Variants in PRKAR1B observed in about 807,000 individuals in gnomAD.
PRKAR1B encodes the protein protein kinase cAMP-dependent type I regulatory subunit beta, also known as cAMP-dependent protein kinase type I-beta regulatory subunit.
A neutral mutation model predicts 46.5 loss-of-function variants in PRKAR1B; 22 were observed. The observed-to-expected ratio is 0.47, with a 90% CI of 0.34 to 0.68. The LOEUF is 0.68. Ranked by LOEUF, PRKAR1B falls within the 30% of genes least tolerant of loss-of-function variation. The pLI is 0.01. For missense variants in PRKAR1B, 445 were observed against 535.6 expected (o/e 0.83, Z 1.67); for synonymous variants, 259 against 217.7 (o/e 1.19, Z -1.67).
In PRKAR1B at chr7:578,950, G is replaced by A. The variant is rs182322249; in HGVS notation, c.891+306C>T. ...ACCCGCCTCAGCCTCCCACAGTGCT[G>A]GGATGACAGGCGTGAGCCGCCGCGC... On this transcript the variant is annotated intron_variant, in intron 9 of 10. Coordinates refer to ENST00000537384, the MANE Select transcript of PRKAR1B (RefSeq NM_001164760.2). 2.1e-4 allele frequency: 226 copies of A among 1,092,140 alleles called. No individual in the cohort carries two copies. In the Admixed American group the frequency reaches 3.0e-3, roughly 15 times the overall value. 67.7% of individuals were successfully genotyped at this position (1,092,140 alleles called of 1,614,324 possible).
chr7:587,849 G>A (rs543148201), intron 7 of PRKAR1B, among the ~76,000 whole-genome samples: 1 of 152,370 alleles, frequency 6.6e-6, no homozygotes, highest in South Asian at 2.1e-4. Flanking sequence ...AGGGGGAAGG[G>A]CTGGAGGAAA....
intron 4 of PRKAR1B, among the ~76,000 whole-genome samples, chr7:643,615 G>A (rs1318624354): frequency 1.3e-5 from 2 of 151,294 alleles, no homozygotes; most frequent in Admixed American, 6.6e-5. Context: ...CCAGCTACTC[G>A]GGAGGCTGAG....
intron 2 of PRKAR1B, among the ~76,000 whole-genome samples, chr7:703,252 T>C (rs1232630406): frequency 1.3e-5 from 2 of 152,032 alleles, no homozygotes; most frequent in African/African-American, 4.8e-5. Flanking sequence ...CCAAAACACA[T>C]AAAGCAAAAA....
chr7:716,690 A>G (rs1780895517), intron 1 of PRKAR1B: 3 of 152,250 alleles, frequency 2.0e-5, no homozygotes, highest in African/African-American at 7.2e-5. Flanking sequence ...GGGTGCAGAA[A>G]GGAAACAAAG....
intron 6 of PRKAR1B, among the ~76,000 whole-genome samples, chr7:599,300 CTCT>C (rs1781457771): frequency 7.4e-6 from 1 of 134,364 alleles, no homozygotes; most frequent in South Asian, 3.3e-4. Flanking sequence ...TTTGTTTTCT[CTCT>C]TTTTTTTTTT....
chr7:558,161 GA>G (rs948528874), intron 9 of PRKAR1B, among the ~76,000 whole-genome samples: 4 of 148,606 alleles, frequency 2.7e-5, no homozygotes, highest in East Asian at 4.1e-4. Context: ...AAAAAAAAAA[GA>G]AAAAAAACAC....
intron 7 of PRKAR1B, among the ~76,000 whole-genome samples, chr7:585,813 A>G (rs921496271): frequency 6.6e-6 from 1 of 152,124 alleles, no homozygotes; most frequent in Non-Finnish European, 1.5e-5. Flanking sequence ...GAAAGCCTAG[A>G]CTGGGCCCTA....
chr7:722,571 C>A (rs1194933384), intron 1 of PRKAR1B, among the ~76,000 whole-genome samples: 2 of 151,362 alleles, frequency 1.3e-5, no homozygotes, highest in Non-Finnish European at 2.9e-5. Context: ...GGGGTTTCAC[C>A]ATGTTGTCCA....
chr7:614,157 T>C (rs1379066544), intron 4 of PRKAR1B, among the ~76,000 whole-genome samples: 1 of 152,214 alleles, frequency 6.6e-6, no homozygotes, highest in African/African-American at 2.4e-5. Flanking sequence ...TGGGCACTTC[T>C]TCGGACTCAC....
Position 584,344 on chromosome 7 carries a change from G to C in PRKAR1B, c.769+164C>G, listed in dbSNP as rs533341831. ...CAACAAGTGACAGTGTGTGTCATCT[G>C]TGCACGTGTCTGTGCGTGAGCATGC... On this transcript the variant is annotated intron_variant, in intron 8 of 10. Coordinates refer to ENST00000537384, the MANE Select transcript of PRKAR1B (RefSeq NM_001164760.2). Among the ~76,000 whole-genome samples, 67 of 152,360 alleles carry C rather than the reference G, an allele frequency of 4.4e-4. 2 individuals are homozygous for C. The highest frequency in any genetic ancestry group is 2.9e-5 in the Non-Finnish European group (2 of 68,034).
chr7:636,459 G>GCCGCGCCCTC (rs1554296651), intron 4 of PRKAR1B, among the ~76,000 whole-genome samples: 3 of 149,316 alleles, frequency 2.0e-5, no homozygotes, highest in Non-Finnish European at 3.0e-5. Context: ...TCCTCCACCG[G>GCCGCGCCCTC]ACTGTGCCCA....
At chr7:562,766 C>T (rs1390359596) in intron 9 of PRKAR1B, among the ~76,000 whole-genome samples, 1 of 152,224 alleles carries the variant, frequency 6.6e-6, no homozygotes, top group Non-Finnish European at 1.5e-5. Flanking sequence ...CTGTTCTCTT[C>T]CTCCCTGGAT....
At chr7:555,490 C>T (rs541693411) in intron 9 of PRKAR1B, among the ~76,000 whole-genome samples, 1 of 152,312 alleles carries the variant, frequency 6.6e-6, no homozygotes, top group East Asian at 1.9e-4. Flanking sequence ...TTCACACGCC[C>T]TGATAGGAAA....
At chr7:588,537 ATGGTGGTGACGGTGG>A (rs68050517) in intron 7 of PRKAR1B, among the ~76,000 whole-genome samples, 22 of 52,592 alleles carry the variant, frequency 4.2e-4, no homozygotes, top group Admixed American at 5.8e-4. Flanking sequence ...GACGGTGGTG[ATGGTGGTGACGGTGG>A]TGATGGTGGT....
chr7:550,825 C>A lies in PRKAR1B; in HGVS notation c.974-223G>T, dbSNP rs562117863. On this transcript the variant is annotated intron_variant, in intron 10 of 10. Transcript: ENST00000537384. ...TTATCTGAAATTCACGTTCAGCTAG[C>A]CATTGTCCTGCACTTTTTTGGGCAA... is the stretch of plus-strand genomic sequence containing the variant. Among the ~76,000 whole-genome samples the A allele has an allele frequency of 2.6e-4, 40 of 152,340 alleles. 1 individual carries two copies. In the South Asian group the frequency reaches 8.1e-3, roughly 31 times the overall value.
At chr7:639,067 G>C (rs1784263942) in intron 4 of PRKAR1B, among the ~76,000 whole-genome samples, 1 of 151,018 alleles carries the variant, frequency 6.6e-6, no homozygotes, top group Non-Finnish European at 1.5e-5. Context: ...GACAGAGCGA[G>C]ACTCTGTCTC....
intron 4 of PRKAR1B, among the ~76,000 whole-genome samples, chr7:629,190 A>G (rs984057422): frequency 3.3e-5 from 5 of 152,266 alleles, no homozygotes; most frequent in African/African-American, 1.2e-4. Flanking sequence ...GCACAGTGAC[A>G]GGATTCCAGG....
At chr7:689,541 A>C (rs1387957030) in intron 2 of PRKAR1B, among the ~76,000 whole-genome samples, 1 of 152,234 alleles carries the variant, frequency 6.6e-6, no homozygotes, top group African/African-American at 2.4e-5. Context: ...CCCAGGATAC[A>C]TTAAAATTGT....
chr7:634,015 G>GA (rs541937046), intron 4 of PRKAR1B, among the ~76,000 whole-genome samples: 1 of 151,988 alleles, frequency 6.6e-6, no homozygotes, highest in South Asian at 2.1e-4. Flanking sequence ...ATCTGTACAA[G>GA]AAAAAATAAA....
Sources: allele counts gnomAD v4.1 joint callset (sites outside exome capture counted in the v4.1 genomes callset), GRCh38; gene constraint gnomAD v4.1.1; transcripts MANE v1.5; gene names NCBI Gene and HGNC (gene_info 2026-07-23, HGNC 2026-07-21).